Variants in FSTL5 observed in about 807,000 individuals in gnomAD.
FSTL5 encodes the protein follistatin-related protein 5.
A neutral mutation model predicts 89.1 loss-of-function variants in FSTL5; 62 were observed. The observed-to-expected ratio is 0.70, with a 90% confidence interval of 0.57 to 0.86. FSTL5 has a LOEUF of 0.86. FSTL5 is among the 40% of genes least tolerant of loss of function. The probability of loss-of-function intolerance (pLI) is 0.00; values close to 1 mark genes in which losing one functional copy is unlikely to be tolerated. For synonymous variants in FSTL5, 383 were observed against 346.2 expected (o/e 1.11, Z -1.18); for missense variants, 1,057 against 1,001.6 (o/e 1.06, Z -0.75).
At chr4:161,576,710 C>T (rs1733221348) in intron 8 of FSTL5, among the ~76,000 whole-genome samples, 1 of 152,200 alleles carries the variant, frequency 6.6e-6, no homozygotes, top group East Asian at 1.9e-4. Context: ...TCATCACACT[C>T]ATTTTTCAAC....
At chr4:161,803,350 G>T (rs1162956020) in intron 4 of FSTL5, among the ~76,000 whole-genome samples, 1 of 151,890 alleles carries the variant, frequency 6.6e-6, no homozygotes, top group Non-Finnish European at 1.5e-5. Flanking sequence ...ACAAAACTTT[G>T]AAGATAATAT....
At chr4:162,152,006 G>C (rs1733242248) in intron 1 of FSTL5, among the ~76,000 whole-genome samples, 1 of 152,096 alleles carries the variant, frequency 6.6e-6, no homozygotes, top group South Asian at 2.1e-4. Flanking sequence ...AAGTCCAGTA[G>C]AGTAGCATCC....
At chr4:161,812,602 A>G (rs1003426062) in intron 4 of FSTL5, among the ~76,000 whole-genome samples, 3 of 152,124 alleles carry the variant, frequency 2.0e-5, no homozygotes, top group South Asian at 2.1e-4. Context: ...TTGAGGCTTT[A>G]AAGTAGTGTT....
intron 5 of FSTL5, among the ~76,000 whole-genome samples, chr4:161,775,514 T>C (rs1741377356): frequency 1.3e-5 from 2 of 152,156 alleles, no homozygotes; most frequent in South Asian, 2.1e-4. Context: ...CCCTTGAATA[T>C]TGGATAAATC....
intron 12 of FSTL5, among the ~76,000 whole-genome samples, chr4:161,494,587 C>G (rs748890153): frequency 3.3e-5 from 5 of 152,076 alleles, no homozygotes; most frequent in African/African-American, 4.8e-5. Flanking sequence ...ACAACCTGTT[C>G]CTAAGCAAGA....
At chr4:161,734,660 C>T (rs1269096725) in intron 6 of FSTL5, among the ~76,000 whole-genome samples, 1 of 152,034 alleles carries the variant, frequency 6.6e-6, no homozygotes, top group Non-Finnish European at 1.5e-5. Flanking sequence ...CTAAATGGGA[C>T]AAAATAAACA....
At chr4:161,441,430 C>T (rs757084799) in intron 15 of FSTL5, among the ~76,000 whole-genome samples, 11 of 151,886 alleles carry the variant, frequency 7.2e-5, no homozygotes, top group Non-Finnish European at 1.3e-4. Flanking sequence ...TAATTTATGC[C>T]GAAATATCAG....
rs1486022969 is a variant in FSTL5 at position 162,082,859 on chromosome 4, C to A, written c.126+28412G>T. Among the ~76,000 whole-genome samples, 7 of 151,010 alleles carry A rather than the reference C, an allele frequency of 4.6e-5. No individual in the cohort carries two copies. In the East Asian group the frequency reaches 1.2e-3, roughly 25 times the overall value. On this transcript the variant is annotated intron_variant, in intron 2 of 15. Coordinates refer to ENST00000306100, the MANE Select transcript of FSTL5 (RefSeq NM_020116.5). ...AGACAAGGTATAAAATAAATACTCTCACCTGTTCAATCTCAATCTCAAGTG... is the reference window on the plus strand; with the variant it reads ...AGACAAGGTATAAAATAAATACTCTAACCTGTTCAATCTCAATCTCAAGTG...
chr4:161,753,153 T>C (rs1740457798), intron 6 of FSTL5, among the ~76,000 whole-genome samples: 1 of 152,214 alleles, frequency 6.6e-6, no homozygotes, highest in Admixed American at 6.5e-5. Context: ...CTTCAGTTTC[T>C]ACCTACATAT....
intron 4 of FSTL5, among the ~76,000 whole-genome samples, chr4:161,782,839 G>A (rs189676301): frequency 2.6e-5 from 4 of 152,274 alleles, no homozygotes; most frequent in East Asian, 3.9e-4. Context: ...CAGCAAATGT[G>A]ATTATGTATT....
intron 7 of FSTL5, among the ~76,000 whole-genome samples, chr4:161,605,440 G>A (rs1734405588): frequency 6.6e-6 from 1 of 152,042 alleles, no homozygotes; most frequent in African/African-American, 2.4e-5. Context: ...AAAAATTGAA[G>A]AGTATATCTA....
intron 14 of FSTL5, among the ~76,000 whole-genome samples, chr4:161,456,084 C>G (rs1225660850): frequency 6.6e-6 from 1 of 152,080 alleles, no homozygotes; most frequent in South Asian, 2.1e-4. Flanking sequence ...CCATCGGAAT[C>G]CCTCCTGGCT....
chr4:161,809,019 C>A (rs1730059573), intron 4 of FSTL5, among the ~76,000 whole-genome samples: 1 of 152,160 alleles, frequency 6.6e-6, no homozygotes. Context: ...AAGATCGAGA[C>A]CATCCTGGCT....
intron 3 of FSTL5, among the ~76,000 whole-genome samples, chr4:162,001,609 TG>T (rs1289566382): frequency 4.0e-5 from 6 of 151,656 alleles, no homozygotes; most frequent in African/African-American, 1.5e-4. Flanking sequence ...TGTGTGTGTG[TG>T]TGTGTGTGTG....
At chr4:161,512,839 A>G (rs967793880) in intron 10 of FSTL5, among the ~76,000 whole-genome samples, 5 of 152,188 alleles carry the variant, frequency 3.3e-5, no homozygotes, top group Admixed American at 1.3e-4. Context: ...TTAACATATC[A>G]CTCTCAATAT....
intron 4 of FSTL5, among the ~76,000 whole-genome samples, chr4:161,859,547 T>C (rs1272241041): frequency 6.6e-6 from 1 of 152,122 alleles, no homozygotes; most frequent in Non-Finnish European, 1.5e-5. Flanking sequence ...TCTGCATCTT[T>C]CAATATTTAA....
chr4:161,590,055 A>G (rs1043611245), intron 7 of FSTL5, among the ~76,000 whole-genome samples: 4 of 152,174 alleles, frequency 2.6e-5, no homozygotes, highest in African/African-American at 9.6e-5. Context: ...AGTGAATCCC[A>G]ACAGCCACAT....
chr4:161,988,249 C>A (rs1736020814), intron 3 of FSTL5, among the ~76,000 whole-genome samples: 1 of 151,950 alleles, frequency 6.6e-6, no homozygotes, highest in African/African-American at 2.4e-5. Flanking sequence ...AATCACAAAA[C>A]ATGAGGATTC....
intron 12 of FSTL5, among the ~76,000 whole-genome samples, chr4:161,493,923 G>A (rs1729977217): frequency 6.6e-6 from 1 of 152,044 alleles, no homozygotes; most frequent in South Asian, 2.1e-4. Context: ...AGATTTATAA[G>A]CTTTCCACTG....
Sources: gnomAD v4.1 joint callset for allele counts (sites outside exome capture counted in the v4.1 genomes callset) on GRCh38, gnomAD v4.1.1 for gene constraint, MANE v1.5 for transcripts, NCBI Gene and HGNC (gene_info 2026-07-23, HGNC 2026-07-21) for gene names.